VSTM5: variants seen among roughly 807,000 people sequenced by gnomAD.
VSTM5 encodes V-set and transmembrane domain-containing protein 5.
In VSTM5, 21 loss-of-function variants were observed where a neutral mutation model predicts 20.3. The ratio of observed to expected loss-of-function variants is 1.03; its 90% CI spans 0.73 to 1.49. VSTM5 has a LOEUF of 1.49. Ranked by LOEUF, VSTM5 falls within the 40% of genes most tolerant of loss-of-function variation. The pLI is 0.00. For missense variants in VSTM5, 219 were observed against 250.0 expected, an observed-to-expected ratio of 0.88 and a Z score of 0.84; for synonymous variants, 100 against 102.5, an observed-to-expected ratio of 0.98 and a Z score of 0.14.
chr11:93,841,463 A>G (rs1376645596), intron 1 of VSTM5, among the ~76,000 whole-genome samples: 3 of 152,210 alleles, frequency 2.0e-5, no homozygotes, highest in African/African-American at 7.2e-5. Context: ...GGTAACACCT[A>G]GGTGATGCTT....
At chr11:93,828,152 C>T (rs187862538) in intron 1 of VSTM5, among the ~76,000 whole-genome samples, 138 of 152,314 alleles carry the variant, frequency 9.1e-4, no homozygotes, top group African/African-American at 3.2e-3. Flanking sequence ...TTTGCATCTT[C>T]ACTTGAATTA....
rs1176518812 is a variant in VSTM5 at position 93,850,545 on chromosome 11, C to T, written c.-43G>A. On this transcript the variant is annotated 5_prime_UTR_variant, in exon 1 of 4. Coordinates refer to ENST00000409977, the MANE Select transcript of VSTM5 (RefSeq NM_001144871.2). ...CGCGGGCCGGGGTGTGTGCTGGCCG[C>T]ACCGCGCTGCAGCTCCTATGCAGCC... is the stretch of plus-strand genomic sequence containing the variant. 18 of 1,450,086 alleles carry T rather than the reference C, an allele frequency of 1.2e-5. No individual in the cohort carries two copies. In the Admixed American group the frequency reaches 3.0e-4, roughly 24 times the overall value. The allele number at this position is 1,450,086 out of a possible 1,614,324, so 89.8% of individuals were successfully genotyped here.
intron 1 of VSTM5, chr11:93,821,652 G>A (rs2135729082): frequency 3.2e-6 from 1 of 309,562 alleles, no homozygotes; most frequent in Non-Finnish European, 6.0e-6. Flanking sequence ...TGATGCCCAA[G>A]GACTCTTCTC....
At chr11:93,830,519 G>C (rs1464999601) in intron 1 of VSTM5, among the ~76,000 whole-genome samples, 1 of 152,222 alleles carries the variant, frequency 6.6e-6, no homozygotes, top group Non-Finnish European at 1.5e-5. Context: ...CCAAGACAGG[G>C]CCTGACACTT....
intron 1 of VSTM5, among the ~76,000 whole-genome samples, chr11:93,824,710 T>G (rs1306491035): frequency 2.6e-5 from 4 of 152,248 alleles, no homozygotes; most frequent in Non-Finnish European, 4.4e-5. Context: ...TTGTTGCCTG[T>G]GTTTTGGGTG....
chr11:93,819,765 G>A lies in VSTM5; in HGVS notation c.*804C>T, dbSNP rs1388480346. ...ACACAGGTGGCATCCAGCTCGTCAGGAGGCCAGGTGCTGCCCATAATGGAG... is the reference window on the plus strand; with the variant it reads ...ACACAGGTGGCATCCAGCTCGTCAGAAGGCCAGGTGCTGCCCATAATGGAG... On this transcript the variant is annotated 3_prime_UTR_variant, in exon 4 of 4. Coordinates refer to ENST00000409977, the MANE Select transcript of VSTM5 (RefSeq NM_001144871.2). 1 of 152,250 alleles carries A rather than the reference G, an allele frequency of 6.6e-6. No homozygotes were observed. The highest frequency in any genetic ancestry group is 1.9e-4 in the East Asian group (1 of 5,204). The allele number at this position is 152,250 out of a possible 1,614,324, so 9.4% of individuals were successfully genotyped here.
At chr11:93,848,319 A>G (rs1944429646) in intron 1 of VSTM5, among the ~76,000 whole-genome samples, 1 of 152,204 alleles carries the variant, frequency 6.6e-6, no homozygotes, top group Non-Finnish European at 1.5e-5. Context: ...AGGCAGGCAC[A>G]CATTCATTTA....
intron 1 of VSTM5, among the ~76,000 whole-genome samples, chr11:93,848,015 A>T (rs1038752385): frequency 2.0e-5 from 3 of 152,036 alleles, no homozygotes; most frequent in African/African-American, 7.3e-5. Context: ...CCACCTCAAG[A>T]CCTCATCTAA....
At chr11:93,844,381 T>C (rs771658844) in intron 1 of VSTM5, among the ~76,000 whole-genome samples, 2 of 152,084 alleles carry the variant, frequency 1.3e-5, no homozygotes, top group African/African-American at 2.4e-5. Context: ...TTAGGTCCCC[T>C]TACCCGTGCC....
intron 1 of VSTM5, among the ~76,000 whole-genome samples, chr11:93,829,709 A>G (rs1944266756): frequency 6.6e-6 from 1 of 152,172 alleles, no homozygotes; most frequent in South Asian, 2.1e-4. Context: ...ATGCATCTCC[A>G]GGGGTCAGCA....
Position 93,820,437 on chromosome 11 carries a change from T to C in VSTM5, c.*132A>G. 2 of 923,834 alleles carry C rather than the reference T, an allele frequency of 2.2e-6. No individual in the cohort carries two copies. The highest frequency in any genetic ancestry group is 3.3e-5 in the South Asian group (2 of 60,812). The allele number at this position is 923,834 out of a possible 1,614,324, so 57.2% of individuals were successfully genotyped here. A position where few individuals can be genotyped will look rare whatever the true frequency, so the allele number is the denominator to read the frequency against. ...CCTCAACTCCATGCAGTCAATGTTG[T>C]TAATCTCCCACTGTCCTGTTAGGAG... On this transcript the variant is annotated 3_prime_UTR_variant, in exon 4 of 4. Coordinates refer to ENST00000409977, the MANE Select transcript of VSTM5 (RefSeq NM_001144871.2).
At chr11:93,824,674 G>A (rs1400294054) in intron 1 of VSTM5, among the ~76,000 whole-genome samples, 2 of 152,072 alleles carry the variant, frequency 1.3e-5, no homozygotes, top group Non-Finnish European at 2.9e-5. Flanking sequence ...TTAGTTTGAT[G>A]TTGTCCCACT....
chr11:93,834,375 T>A (rs1944305811), intron 1 of VSTM5, among the ~76,000 whole-genome samples: 1 of 152,188 alleles, frequency 6.6e-6, no homozygotes, highest in African/African-American at 2.4e-5. Flanking sequence ...CCCACCACAC[T>A]CACCAGCTGT....
intron 1 of VSTM5, among the ~76,000 whole-genome samples, chr11:93,839,574 G>A (rs551699690): frequency 6.6e-6 from 1 of 152,298 alleles, no homozygotes; most frequent in East Asian, 1.9e-4. Context: ...CTCTCTATGA[G>A]GTGCATTAAA....
At chr11:93,821,393 G>T in intron 1 of VSTM5, 70 bp from the exon 2 acceptor site, 1 of 1,338,440 alleles carries the variant, frequency 7.5e-7, no homozygotes, top group Non-Finnish European at 1.0e-6. Flanking sequence ...TATATAATTT[G>T]TTGATCTATT....
intron 1 of VSTM5, among the ~76,000 whole-genome samples, chr11:93,830,346 C>A (rs904584976): frequency 6.6e-6 from 1 of 152,180 alleles, no homozygotes; most frequent in Non-Finnish European, 1.5e-5. Flanking sequence ...CCTAAACAGC[C>A]GGGAACAGCT....
In VSTM5 at chr11:93,821,333, G is replaced by A. The variant is rs775661079; in HGVS notation, c.92-10C>T. ...AGGGACACACCCTGACCTGCAGGAT[G>A]ATATGCTGGATGTTGGGCACATATA... On this transcript the variant is annotated splice_polypyrimidine_tract_variant and intron_variant, in intron 1 of 3. Coordinates refer to ENST00000409977, the MANE Select transcript of VSTM5 (RefSeq NM_001144871.2). The A allele has an allele frequency of 6.5e-7, 1 of 1,546,620 alleles. No homozygotes were observed. Among genetic ancestry groups the A allele is most frequent in the South Asian group, 1.2e-5 (1 of 83,790 alleles).
At chr11:93,832,177 C>A (rs1404307245) in intron 1 of VSTM5, among the ~76,000 whole-genome samples, 1 of 152,014 alleles carries the variant, frequency 6.6e-6, no homozygotes, top group Non-Finnish European at 1.5e-5. Flanking sequence ...TGGTAAGGAA[C>A]CAGTTAAATA....
chr11:93,832,651 G>A (rs954268220), intron 1 of VSTM5, among the ~76,000 whole-genome samples: 1 of 152,182 alleles, frequency 6.6e-6, no homozygotes, highest in Non-Finnish European at 1.5e-5. Context: ...TATATACAAT[G>A]GACAACCCCA....
Sources: gnomAD v4.1 joint callset for allele counts (sites outside exome capture counted in the v4.1 genomes callset) on GRCh38, gnomAD v4.1.1 for gene constraint, MANE v1.5 for transcripts, NCBI Gene and HGNC (gene_info 2026-07-23, HGNC 2026-07-21) for gene names.